The following SLC44A1 variants were observed in gnomAD, a reference collection of about 807,000 sequenced individuals.
The protein encoded by SLC44A1 is solute carrier family 44 member 1.
A neutral mutation model predicts 79.3 loss-of-function variants in SLC44A1; 26 were observed. The observed-to-expected ratio is 0.33, with a 90% CI of 0.24 to 0.46. SLC44A1 has a LOEUF of 0.46. SLC44A1 is among the 20% of genes least tolerant of loss of function. The pLI, the probability that SLC44A1 is intolerant of heterozygous loss-of-function variation, is 1.00. For synonymous variants in SLC44A1, 263 were observed against 286.2 expected (o/e 0.92, Z 0.82); for missense variants, 688 against 798.1 (o/e 0.86, Z 1.66).
At chr9:105,413,130 G>C (rs762407711) in intron 15 of SLC44A1, among the ~76,000 whole-genome samples, 8 of 152,146 alleles carry the variant, frequency 5.3e-5, no homozygotes, top group South Asian at 2.1e-4. Flanking sequence ...GTTGGAAAAA[G>C]AGACTTCTGT....
At chr9:105,347,471 A>G (rs1827276061) in intron 4 of SLC44A1, among the ~76,000 whole-genome samples, 1 of 152,024 alleles carries the variant, frequency 6.6e-6, no homozygotes, top group African/African-American at 2.4e-5. Context: ...AAATTAACGG[A>G]TCAGGAAAAT....
intron 4 of SLC44A1, among the ~76,000 whole-genome samples, chr9:105,336,161 T>TGTGC (rs1826915345): frequency 6.6e-6 from 1 of 151,942 alleles, no homozygotes; most frequent in African/African-American, 2.4e-5. Context: ...TGTGTGTGTG[T>TGTGC]GTATCTCCCT....
intron 3 of SLC44A1, among the ~76,000 whole-genome samples, chr9:105,319,136 T>C (rs2131327639): frequency 6.6e-6 from 1 of 152,248 alleles, no homozygotes; most frequent in East Asian, 1.9e-4. Context: ...GTTGAGGGCA[T>C]CTAAGAAGTT....
chr9:105,318,214 CT>C (rs1253276836), intron 3 of SLC44A1, among the ~76,000 whole-genome samples: 6 of 148,674 alleles, frequency 4.0e-5, no homozygotes, highest in African/African-American at 1.6e-4. Context: ...GAGTCTCGCC[CT>C]GTCACCCAGG....
Position 105,391,912 on chromosome 9 carries a change from A to G in SLC44A1, c.*2856A>G, listed in dbSNP as rs1170308102. 10 of 985,280 alleles carry G rather than the reference A, an allele frequency of 1.0e-5. No individual in the cohort carries two copies. The highest frequency in any genetic ancestry group is 1.1e-4 in the East Asian group (1 of 8,814). 61.0% of individuals were successfully genotyped at this position (985,280 alleles called of 1,614,324 possible). On this transcript the variant is annotated 3_prime_UTR_variant, in exon 16 of 16. Coordinates refer to ENST00000374720, the MANE Select transcript of SLC44A1 (RefSeq NM_080546.5). Reference sequence around the variant, plus strand: ...TCTAGAGTTTTAATTGGGGTCCTCTATTGTCAATTGTAGTAGTGACCAGAG... The same window carrying G: ...TCTAGAGTTTTAATTGGGGTCCTCTGTTGTCAATTGTAGTAGTGACCAGAG...
chr9:105,266,767 G>C (rs1001619100), intron 1 of SLC44A1, among the ~76,000 whole-genome samples: 2 of 152,006 alleles, frequency 1.3e-5, no homozygotes, highest in Non-Finnish European at 2.9e-5. Flanking sequence ...CTTCCTTTTC[G>C]AAGTTATTTT....
intron 1 of SLC44A1, among the ~76,000 whole-genome samples, chr9:105,272,170 T>C (rs1830093589): frequency 6.6e-6 from 1 of 152,232 alleles, no homozygotes; most frequent in Admixed American, 6.5e-5. Flanking sequence ...AAGCCTGGAC[T>C]CTTTCTACTG....
chr9:105,250,585 T>C (rs1829560795), intron 1 of SLC44A1, among the ~76,000 whole-genome samples: 1 of 152,230 alleles, frequency 6.6e-6, no homozygotes, highest in Non-Finnish European at 1.5e-5. Context: ...ACTATCACTT[T>C]TCTGTTGATC....
At chr9:105,324,273 CAG>C (rs1826499787) in intron 3 of SLC44A1, among the ~76,000 whole-genome samples, 1 of 148,460 alleles carries the variant, frequency 6.7e-6, no homozygotes, top group African/African-American at 2.5e-5. Context: ...TTTTTAAAGA[CAG>C]AGTTTCACTC....
At chr9:105,342,951 G>A (rs1827142297) in intron 4 of SLC44A1, among the ~76,000 whole-genome samples, 1 of 150,552 alleles carries the variant, frequency 6.6e-6, no homozygotes, top group South Asian at 2.1e-4. Context: ...GCCAGCCTGG[G>A]CAACATAGCA....
At chr9:105,335,442 T>C in intron 3 of SLC44A1, 121 bp from the exon 4 acceptor site, 1 of 653,582 alleles carries the variant, frequency 1.5e-6, no homozygotes, top group Non-Finnish European at 2.5e-6. Flanking sequence ...GTATTTATGA[T>C]GAGATTTTTA....
At chr9:105,358,805 T>C (rs1462859294) in intron 7 of SLC44A1, among the ~76,000 whole-genome samples, 1 of 152,202 alleles carries the variant, frequency 6.6e-6, no homozygotes, top group Non-Finnish European at 1.5e-5. Flanking sequence ...TTGTTTTCTC[T>C]CTTTGCTACA....
At chr9:105,256,791 ATTTTAT>A (rs1829718656) in intron 1 of SLC44A1, among the ~76,000 whole-genome samples, 1 of 134,228 alleles carries the variant, frequency 7.5e-6, no homozygotes, top group Non-Finnish European at 1.6e-5. Flanking sequence ...ATTTTATTTT[ATTTTAT>A]TATTTTTTGA....
chr9:105,420,189 C>A (rs887289891), intron 15 of SLC44A1, among the ~76,000 whole-genome samples: 2 of 152,176 alleles, frequency 1.3e-5, no homozygotes, highest in Middle Eastern at 3.2e-3. Flanking sequence ...TAGCAGAATG[C>A]GCCCTATTGC....
rs770258926 is a variant in SLC44A1 at position 105,366,354 on chromosome 9, T to C, written c.1419T>C (p.Ala473=). 1.6e-5 allele frequency: 24 copies of C among 1,492,116 alleles called. No homozygotes were observed. Among genetic ancestry groups the C allele is most frequent in the Middle Eastern group, 1.8e-4 (1 of 5,654 alleles). The allele number at this position is 1,492,116 out of a possible 1,614,324, so 92.4% of individuals were successfully genotyped here. The change falls in exon 12 of 16, where the codon GCT becomes GCC. Residue 473 remains alanine (A), a synonymous_variant. Transcript: ENST00000374720. Reference sequence around the variant, plus strand: ...ATTTTTCCCCCATCCAGGAAAATGCTTGTGCACGATGTGTGCTGAAATCTT... The same window carrying C: ...ATTTTTCCCCCATCCAGGAAAATGCCTGTGCACGATGTGTGCTGAAATCTT... ...IHSQLKGKEN[A]CARCVLKSCI...
Position 105,395,833 on chromosome 9 carries a change from A to T in SLC44A1, c.*6777A>T, listed in dbSNP as rs1828864918. ...GCAGATAGAATGGGTTCCATGGATC[A>T]TTCTAGTTGCCACTAGAAAATGTGA... On this transcript the variant is annotated 3_prime_UTR_variant, in exon 16 of 16. Transcript: ENST00000374720. 2 of 984,222 alleles carry T rather than the reference A, an allele frequency of 2.0e-6. No homozygotes were observed. The highest frequency in any genetic ancestry group is 3.5e-5 in the African/African-American group (2 of 57,216). The allele number at this position is 984,222 out of a possible 1,614,324, so 61.0% of individuals were successfully genotyped here. A position where few individuals can be genotyped will look rare whatever the true frequency, so the allele number is the denominator to read the frequency against.
chr9:105,409,293 A>C (rs570388797), intron 15 of SLC44A1, among the ~76,000 whole-genome samples: 37 of 152,338 alleles, frequency 2.4e-4, no homozygotes, highest in Admixed American at 2.0e-3. Context: ...GTAGCTATAG[A>C]AATATCAGAC....
At chr9:105,361,424 C>T in intron 8 of SLC44A1, 94 bp downstream of exon 8, 1 of 1,192,838 alleles carries the variant, frequency 8.4e-7, no homozygotes, top group South Asian at 1.5e-5. Flanking sequence ...TTTTGCATTC[C>T]TAACCCTGAT....
At chr9:105,273,949 T>A (rs1482177517) in intron 1 of SLC44A1, among the ~76,000 whole-genome samples, 1 of 152,182 alleles carries the variant, frequency 6.6e-6, no homozygotes, top group Non-Finnish European at 1.5e-5. Context: ...ACCCACACAG[T>A]CACATGTTAA....
Sources: allele counts gnomAD v4.1 joint callset (sites outside exome capture counted in the v4.1 genomes callset), GRCh38; gene constraint gnomAD v4.1.1; transcripts MANE v1.5; gene names NCBI Gene and HGNC (gene_info 2026-07-23, HGNC 2026-07-21).